DYNC2I1: variants seen among roughly 807,000 people sequenced by gnomAD.
DYNC2I1 encodes the protein cytoplasmic dynein 2 intermediate chain 1.
DYNC2I1 carries 89 observed loss-of-function variants against 133.4 expected under a neutral mutation model. That is an observed-to-expected ratio of 0.67 (90% CI 0.56 to 0.80). DYNC2I1 has a LOEUF of 0.80. DYNC2I1 is among the 30% of genes least tolerant of loss of function. The pLI is 0.00. For missense variants in DYNC2I1, 1,291 were observed against 1,314.5 expected, an observed-to-expected ratio of 0.98 and a Z score of 0.28; for synonymous variants, 504 against 484.3, an observed-to-expected ratio of 1.04 and a Z score of -0.54.
chr7:158,926,084 T>G, intron 17 of DYNC2I1, 103 bp from the exon 18 acceptor site: 1 of 858,452 alleles, frequency 1.2e-6, no homozygotes, highest in Non-Finnish European at 1.9e-6. Context: ...GAGAGTTGGA[T>G]CTGTGAGACC....
intron 10 of DYNC2I1, chr7:158,904,000 G>A (rs1846504490): frequency 1.3e-5 from 2 of 152,206 alleles, no homozygotes; most frequent in Admixed American, 1.3e-4. Flanking sequence ...TCCAGGTAAA[G>A]CTGGAGCTGC....
chr7:158,940,372 G>A (rs1329525139), intron 23 of DYNC2I1, among the ~76,000 whole-genome samples: 1 of 152,174 alleles, frequency 6.6e-6, no homozygotes, highest in Non-Finnish European at 1.5e-5. Context: ...TGGGGTTCAG[G>A]TGGTAATGCT....
chr7:158,895,712 C>T (rs73529727), intron 8 of DYNC2I1, among the ~76,000 whole-genome samples: 95 of 152,262 alleles, frequency 6.2e-4, no homozygotes, highest in African/African-American at 2.1e-3. Context: ...ATCTATAGGT[C>T]AAGTTGGGAA....
rs540722323 is a variant in DYNC2I1, at chr7:158,940,797, G to C, written c.2779-1128G>C. Among the ~76,000 whole-genome samples the C allele has an allele frequency of 4.6e-5, 7 of 152,260 alleles. No homozygotes were observed. In the South Asian group the frequency reaches 1.4e-3, roughly 32 times the overall value. ...TATTGAAACAAATGAAAATGGAAAT[G>C]TGGCATATCAAAATCTATGGGATAT... On this transcript the variant is annotated intron_variant, in intron 23 of 24. Coordinates refer to ENST00000407559, the MANE Select transcript of DYNC2I1 (RefSeq NM_018051.5).
At chr7:158,903,800 A>C (rs754318343) in intron 10 of DYNC2I1, 1 of 152,180 alleles carries the variant, frequency 6.6e-6, no homozygotes, top group Non-Finnish European at 1.5e-5. Flanking sequence ...GCAGGATTTT[A>C]TTCTTAACGT....
chr7:158,931,067 TCTTA>T (rs1314100185), intron 21 of DYNC2I1, among the ~76,000 whole-genome samples: 9 of 152,216 alleles, frequency 5.9e-5, no homozygotes, highest in Non-Finnish European at 1.0e-4. Context: ...TTTAAATTGG[TCTTA>T]CTTAACTATT....
chr7:158,936,717 A>T (rs553170172), intron 23 of DYNC2I1, among the ~76,000 whole-genome samples: 49 of 152,342 alleles, frequency 3.2e-4, no homozygotes, highest in African/African-American at 1.1e-3. Flanking sequence ...ACCATGCTCC[A>T]GGAGGTTTAT....
At chr7:158,884,457 T>C (rs1844397167) in intron 5 of DYNC2I1, 107 bp from the exon 6 acceptor site, 3 of 926,330 alleles carry the variant, frequency 3.2e-6, no homozygotes, top group Admixed American at 5.2e-5. Flanking sequence ...ATGTACATGC[T>C]GTTGTTAAAT....
In DYNC2I1 at chr7:158,940,108, A is replaced by C. The variant is rs1160965376; in HGVS notation, c.2779-1817A>C. ...TACCCAGACAGAAAGTCAACAAAGA[A>C]GCATCAGAGTTAAACTACACACTAG... On this transcript the variant is annotated intron_variant, in intron 23 of 24. Coordinates refer to ENST00000407559, the MANE Select transcript of DYNC2I1 (RefSeq NM_018051.5). Among the ~76,000 whole-genome samples the C allele has an allele frequency of 3.9e-5, 6 of 152,308 alleles. No homozygotes were observed. In the East Asian group the frequency reaches 1.2e-3, roughly 29 times the overall value.
chr7:158,898,179 A>G (rs1482593742), intron 8 of DYNC2I1, among the ~76,000 whole-genome samples: 1 of 152,206 alleles, frequency 6.6e-6, no homozygotes, highest in Non-Finnish European at 1.5e-5. Context: ...ATGGTGAATT[A>G]TATGCCAGCT....
chr7:158,934,309 T>G (rs1259742455), intron 22 of DYNC2I1, 81 bp downstream of exon 22: 1 of 1,500,142 alleles, frequency 6.7e-7, no homozygotes, highest in African/African-American at 1.8e-5. Context: ...TGATTTAGGA[T>G]TAACTTACTC....
the DYNC2I1 span, among the ~76,000 whole-genome samples, chr7:158,847,786 A>T: frequency 6.6e-6 from 1 of 152,206 alleles, no homozygotes; most frequent in Non-Finnish European, 1.5e-5. Flanking sequence ...AGGAAAAATT[A>T]AGCCAAGGCA....
At chr7:158,910,588 A>G (rs1278233265) in intron 11 of DYNC2I1, among the ~76,000 whole-genome samples, 2 of 147,998 alleles carry the variant, frequency 1.4e-5, no homozygotes, top group South Asian at 2.1e-4. Flanking sequence ...TTGGAGGGCC[A>G]TCAGCTGTGT....
chr7:158,926,822 G>T (rs868616824), intron 19 of DYNC2I1, among the ~76,000 whole-genome samples, 170 bp from the exon 20 acceptor site: 1 of 152,200 alleles, frequency 6.6e-6, no homozygotes, highest in African/African-American at 2.4e-5. Flanking sequence ...CAAAGCAAAG[G>T]AGTCAACTTG....
At chr7:158,873,037 C>T (rs1401712957) in intron 3 of DYNC2I1, among the ~76,000 whole-genome samples, 1 of 151,750 alleles carries the variant, frequency 6.6e-6, no homozygotes, top group Admixed American at 6.6e-5. Context: ...CTTATTATCT[C>T]AATAAGGCTT....
chr7:158,892,043 A>T (rs1298282995), intron 8 of DYNC2I1, among the ~76,000 whole-genome samples: 2 of 152,162 alleles, frequency 1.3e-5, no homozygotes, highest in Non-Finnish European at 2.9e-5. Context: ...GTTCCTTCTC[A>T]GGGGTGCGTG....
intron 9 of DYNC2I1, among the ~76,000 whole-genome samples, chr7:158,902,037 CAT>C (rs1344325826): frequency 2.6e-5 from 4 of 152,104 alleles, no homozygotes; most frequent in African/African-American, 7.2e-5. Flanking sequence ...TAATTTAACT[CAT>C]ATTTAAGTGC....
intron 1 of DYNC2I1, among the ~76,000 whole-genome samples, chr7:158,857,512 TTTTATGTTATATA>T (rs1331006751): frequency 2.0e-5 from 3 of 151,984 alleles, no homozygotes; most frequent in African/African-American, 4.8e-5. Flanking sequence ...TTAATTTGTA[TTTTATGTTATATA>T]AACCTTAGGT....
At chr7:158,926,490 T>TG in intron 19 of DYNC2I1, 27 bp downstream of exon 19, 1 of 1,607,620 alleles carries the variant, frequency 6.2e-7, no homozygotes, top group Non-Finnish European at 8.5e-7. Context: ...GCCGGGCACA[T>TG]GCGGGGCCTG....
Sources: allele counts gnomAD v4.1 joint callset (sites outside exome capture counted in the v4.1 genomes callset), GRCh38; gene constraint gnomAD v4.1.1; transcripts MANE v1.5; gene names NCBI Gene and HGNC (gene_info 2026-07-23, HGNC 2026-07-21).